BNIP1: variants seen among roughly 807,000 people sequenced by gnomAD.
BNIP1 encodes the protein BCL2 interacting protein 1.
A neutral mutation model predicts 28.5 loss-of-function variants in BNIP1; 25 were observed. The observed-to-expected ratio is 0.88, with a 90% CI of 0.64 to 1.23. The LOEUF is 1.23. Ranked by LOEUF, BNIP1 falls within the 50% of genes most tolerant of loss-of-function variation. BNIP1 has a pLI of 0.00. For synonymous variants in BNIP1, 118 were observed against 101.7 expected (o/e 1.16, Z -0.96); for missense variants, 276 against 277.0 (o/e 1.00, Z 0.02).
At chr5:173,158,673 A>C (rs1269598790) in intron 3 of BNIP1, 71 bp from the exon 4 acceptor site, 1 of 1,229,216 alleles carries the variant, frequency 8.1e-7, no homozygotes, top group South Asian at 1.4e-5. Flanking sequence ...GTTGGGGGGA[A>C]GTGCTGTGAA....
At chr5:173,162,101 G>C (rs1334756906) in intron 5 of BNIP1, among the ~76,000 whole-genome samples, 1 of 152,098 alleles carries the variant, frequency 6.6e-6, no homozygotes, top group African/African-American at 2.4e-5. Flanking sequence ...AGAAGGATAA[G>C]AAAACTCTAG....
At chr5:173,151,628 T>C (rs1303475061) in intron 2 of BNIP1, 2 of 1,614,056 alleles carry the variant, frequency 1.2e-6, no homozygotes, top group Non-Finnish European at 1.7e-6. Context: ...AGCTAACTTA[T>C]TCCCTGACAG....
At chr5:173,157,910 T>G (rs5745153) in intron 3 of BNIP1, among the ~76,000 whole-genome samples, 2,938 of 149,038 alleles carry the variant, frequency 0.02, 116 homozygotes, top group African/African-American at 0.067. Flanking sequence ...GATTGGCTTT[T>G]TGTGTGTGTG....
At chr5:173,160,215 G>C (rs1437158882) in intron 5 of BNIP1, among the ~76,000 whole-genome samples, 164 bp downstream of exon 5, 1 of 151,550 alleles carries the variant, frequency 6.6e-6, no homozygotes, top group Non-Finnish European at 1.5e-5. Flanking sequence ...CTTATCCAGT[G>C]TGGGATGTGC....
intron 2 of BNIP1, among the ~76,000 whole-genome samples, chr5:173,151,146 T>C (rs979178644): frequency 4.6e-5 from 7 of 152,156 alleles, no homozygotes; most frequent in Non-Finnish European, 1.0e-4. Flanking sequence ...AAACTTATAC[T>C]GTTAAGTATA....
At chr5:173,153,698 C>T (rs972000414) in intron 2 of BNIP1, among the ~76,000 whole-genome samples, 3 of 152,112 alleles carry the variant, frequency 2.0e-5, no homozygotes, top group Non-Finnish European at 2.9e-5. Context: ...AGGCAAGCAT[C>T]TATGTTTTCC....
At chr5:173,148,484 G>A (rs535622216) in intron 2 of BNIP1, among the ~76,000 whole-genome samples, 1 of 152,024 alleles carries the variant, frequency 6.6e-6, no homozygotes, top group Admixed American at 6.6e-5. Context: ...CCCTCAAAGT[G>A]AATAGGGATG....
At chr5:173,151,813 A>G in intron 2 of BNIP1, 1 of 1,465,896 alleles carries the variant, frequency 6.8e-7, no homozygotes, top group Non-Finnish European at 9.1e-7. Flanking sequence ...GGCACCTAGG[A>G]AGGACCTAAT....
intron 1 of BNIP1, 115 bp downstream of exon 1, chr5:173,144,744 G>A: frequency 9.1e-7 from 1 of 1,094,108 alleles, no homozygotes; most frequent in African/African-American, 1.6e-5. Context: ...CAGACCACAG[G>A]CTCCGCCCCA....
intron 4 of BNIP1, among the ~76,000 whole-genome samples, chr5:173,159,101 C>T (rs1270713747): frequency 6.6e-6 from 1 of 151,704 alleles, no homozygotes; most frequent in African/African-American, 2.4e-5. Context: ...GCAGTGGTGC[C>T]CTCTTGGCTC....
chr5:173,163,377 C>G (rs1014330397), intron 5 of BNIP1, among the ~76,000 whole-genome samples: 3 of 152,218 alleles, frequency 2.0e-5, no homozygotes, highest in Admixed American at 6.5e-5. Context: ...AGTGCCTGCC[C>G]ACGATCCCTG....
At chr5:173,157,099 TGAG>T (rs1760223326) in intron 3 of BNIP1, among the ~76,000 whole-genome samples, 2 of 152,202 alleles carry the variant, frequency 1.3e-5, no homozygotes, top group Admixed American at 6.5e-5. Flanking sequence ...GTGAGGTGGT[TGAG>T]GAGAAGTACT....
intron 3 of BNIP1, 144 bp downstream of exon 3, chr5:173,154,557 C>G (rs1760126252): frequency 3.1e-6 from 2 of 638,940 alleles, no homozygotes; most frequent in Non-Finnish European, 5.3e-6. Flanking sequence ...GTGTCTCGCT[C>G]TATTGCCCAG....
chr5:173,150,838 G>GTTTTTT (rs200909657), intron 2 of BNIP1, among the ~76,000 whole-genome samples: 1 of 149,492 alleles, frequency 6.7e-6, no homozygotes, highest in African/African-American at 2.5e-5. Context: ...TTATACTTTT[G>GTTTTTT]TTTTTTTGTT....
intron 2 of BNIP1, among the ~76,000 whole-genome samples, chr5:173,148,610 G>T (rs1405734633): frequency 3.3e-5 from 5 of 152,082 alleles, no homozygotes; most frequent in Non-Finnish European, 7.3e-5. Flanking sequence ...CTGAGGACAG[G>T]AACAGGGTTG....
In BNIP1 at chr5:173,153,574, C is replaced by T. The variant is rs191308182; in HGVS notation, c.178-748C>T. 1.3e-3 allele frequency among the ~76,000 whole-genome samples: 191 copies of T among 152,218 alleles called. 1 individual carries two copies. Among genetic ancestry groups the T allele is most frequent in the Non-Finnish European group, 4.7e-4 (32 of 68,012 alleles). ...TCTCTTCATGGAGTTTCACGAACCACTCAGGGAAGATAAATTGAACCCTAG... is the reference window on the plus strand; with the variant it reads ...TCTCTTCATGGAGTTTCACGAACCATTCAGGGAAGATAAATTGAACCCTAG... On this transcript the variant is annotated intron_variant, in intron 2 of 5. Coordinates refer to ENST00000351486, the MANE Select transcript of BNIP1 (RefSeq NM_001205.3).
chr5:173,147,673 A>G (rs1159337849), intron 2 of BNIP1, among the ~76,000 whole-genome samples: 1 of 151,992 alleles, frequency 6.6e-6, no homozygotes, highest in Non-Finnish European at 1.5e-5. Flanking sequence ...GTATGCCTGA[A>G]TTCAAGTATG....
rs538345031 is a variant in BNIP1, at chr5:173,164,141, G to A, written c.*220G>A. On this transcript the variant is annotated 3_prime_UTR_variant, in exon 6 of 6. Coordinates refer to ENST00000351486, the MANE Select transcript of BNIP1 (RefSeq NM_001205.3). The surrounding 1 kb of genome is among the most constrained non-coding windows in gnomAD (Gnocchi z 4.0). ...GTCTGGCATTGGGATGCCGCCCTGG[G>A]GACATACGAACCGCCTCCTTCCACC... 4 of 427,734 alleles carry A rather than the reference G, an allele frequency of 9.4e-6. No individual in the cohort carries two copies. The East Asian group carries it at 1.1e-4, about 12-fold the overall frequency. 26.5% of individuals were successfully genotyped at this position (427,734 alleles called of 1,614,324 possible). A position where few individuals can be genotyped will look rare whatever the true frequency, so the allele number is the denominator to read the frequency against.
At chr5:173,162,344 C>G (rs1760385508) in intron 5 of BNIP1, among the ~76,000 whole-genome samples, 1 of 152,068 alleles carries the variant, frequency 6.6e-6, no homozygotes, top group Non-Finnish European at 1.5e-5. Context: ...TGGATTTTGG[C>G]CAGGCGCGGT....
Sources: allele counts gnomAD v4.1 joint callset (sites outside exome capture counted in the v4.1 genomes callset), GRCh38; gene constraint gnomAD v4.1.1; non-coding constraint Gnocchi (gnomAD v3.1); transcripts MANE v1.5; gene names NCBI Gene and HGNC (gene_info 2026-07-23, HGNC 2026-07-21).